Variants in SETD2 observed in about 807,000 individuals in gnomAD.
SETD2 encodes SET domain containing 2, histone lysine methyltransferase.
A neutral mutation model predicts 242.1 loss-of-function variants in SETD2; 31 were observed. That is an observed-to-expected ratio of 0.13 (90% CI 0.10 to 0.17). SETD2 has a LOEUF of 0.17. Among genes scored for constraint, SETD2 ranks in the 10% least tolerant of loss-of-function variants. SETD2 has a pLI of 1.00. For synonymous variants in SETD2, 1,006 were observed against 1,066.5 expected, an observed-to-expected ratio of 0.94 and a Z score of 1.11; for missense variants, 2,481 against 3,046.3, an observed-to-expected ratio of 0.81 and a Z score of 4.37.
At chr3:47,054,515 G>A (rs1050376399) in intron 15 of SETD2, among the ~76,000 whole-genome samples, 1 of 152,050 alleles carries the variant, frequency 6.6e-6, no homozygotes, top group African/African-American at 2.4e-5. Flanking sequence ...CTAATGGCTT[G>A]GTCCAAGAAA....
At chr3:47,092,251 A>G (rs1223338294) in intron 9 of SETD2, among the ~76,000 whole-genome samples, 5 of 152,176 alleles carry the variant, frequency 3.3e-5, no homozygotes, top group Admixed American at 3.3e-4. Context: ...AGTGGTGATA[A>G]TACAGCTTCC....
intron 7 of SETD2, 92 bp from the exon 8 acceptor site, chr3:47,101,647 GATC>G (rs1208330086): frequency 9.3e-5 from 62 of 666,190 alleles, no homozygotes; most frequent in African/African-American, 6.2e-4. Flanking sequence ...CATATATAAA[GATC>G]ATCATCATCT....
chr3:47,021,582 C>A (rs537117288), intron 18 of SETD2, among the ~76,000 whole-genome samples: 4 of 151,922 alleles, frequency 2.6e-5, no homozygotes, highest in Non-Finnish European at 4.4e-5. Context: ...CAATTGGGAT[C>A]GAGAAAGGAA....
At position 47,153,275 on chromosome 3, in the gene SETD2, TATTAACCAAAAATTATACAAGGTA is replaced by T. The variant is rs555499981; in HGVS notation, c.71+10555_71+10578del. Among the ~76,000 whole-genome samples, 753 of 152,352 alleles carry T rather than the reference TATTAACCAAAAATTATACAAGGTA, an allele frequency of 4.9e-3. 7 individuals are homozygous for T. The highest frequency in any genetic ancestry group is 0.017 in the African/African-American group (698 of 41,574). On this transcript the variant is annotated intron_variant, in intron 1 of 20. Coordinates refer to ENST00000409792, the MANE Select transcript of SETD2 (RefSeq NM_014159.7). ...ATACAACATTTTATTACACAATTTTTATTAACCAAAAATTATACAAGGTAATTAACCAAAAATTATACAAGGTAA... is the reference window on the plus strand; with the variant it reads ...ATACAACATTTTATTACACAATTTTTATTAACCAAAAATTATACAAGGTAA...
chr3:47,135,239 A>G (rs918720503), intron 1 of SETD2, among the ~76,000 whole-genome samples: 2 of 152,160 alleles, frequency 1.3e-5, no homozygotes, highest in East Asian at 3.9e-4. Context: ...CTGATTCTCT[A>G]TGAAAACACA....
In SETD2 at chr3:47,057,016, G is replaced by A. The variant is rs147243526; in HGVS notation, c.6768C>T (p.Val2256=). The change falls in exon 15 of 21, where the codon GTC becomes GTT. Residue 2256 remains valine (V), a synonymous_variant. Coordinates refer to ENST00000409792, the MANE Select transcript of SETD2 (RefSeq NM_014159.7). ...GVVHQDSSVA[V]LPVPAPGPVQ... ...CTGGGCCGGGGGCCGGCACTGGCAAGACAGCAACGCTGGAGTCTTGGTGTA... is the reference window on the plus strand; with the variant it reads ...CTGGGCCGGGGGCCGGCACTGGCAAAACAGCAACGCTGGAGTCTTGGTGTA... 8.1e-5 allele frequency: 131 copies of A among 1,614,268 alleles called. 2 individuals are homozygous for A. In the African/African-American group the frequency reaches 1.1e-3, roughly 14 times the overall value.
In SETD2 at chr3:47,123,887, A is replaced by G. The variant is rs2106714635; in HGVS notation, c.749T>C (p.Leu250Ser). 1.9e-6 allele frequency: 3 copies of G among 1,551,956 alleles called. No homozygotes were observed. Among genetic ancestry groups the G allele is most frequent in the South Asian group, 2.4e-5 (2 of 84,060 alleles). Residue 250 changes from leucine (L) to serine (S), a missense_variant, in exon 3 of 21, where the codon TTA becomes TCA. Leu to Ser is a moderately radical substitution (Grantham distance 145). This residue lies in a region of SETD2 where 334 missense variants were observed against 374.5 expected (regional missense o/e 0.89). Transcript: ENST00000409792. Reference protein sequence around the residue: ...EPPIIIVPESLEADTKQDTIS... With the variant: ...EPPIIIVPESSEADTKQDTIS... ...AGTGTCCTGCTTAGTATCTGCTTCT[A>G]AAGATTCTGGTACAATTATAATTGG...
At chr3:47,065,926 G>A (rs1217452186) in intron 13 of SETD2, among the ~76,000 whole-genome samples, 1 of 152,174 alleles carries the variant, frequency 6.6e-6, no homozygotes, top group Non-Finnish European at 1.5e-5. Context: ...TTTCAGGGGT[G>A]ACTGAGAATC....
Position 47,124,568 on chromosome 3 carries a change from G to A in SETD2, c.88-20C>T, listed in dbSNP as rs1401536132. The A allele has an allele frequency of 3.1e-5, 47 of 1,520,500 alleles. No individual in the cohort carries two copies. The highest frequency in any genetic ancestry group is 4.2e-5 in the Admixed American group (2 of 47,190). 94.2% of individuals were successfully genotyped at this position (1,520,500 alleles called of 1,614,324 possible). On this transcript the variant is annotated intron_variant, in intron 2 of 20. Transcript: ENST00000409792. ...CTTTGCCTACAAATGAACAAAATAA[G>A]CAATTACTACTACAATAAATAGTTA...
intron 15 of SETD2, among the ~76,000 whole-genome samples, chr3:47,050,732 T>C (rs1356753801): frequency 8.1e-6 from 1 of 124,022 alleles, no homozygotes; most frequent in Non-Finnish European, 1.7e-5. Flanking sequence ...TCTTTTTTTT[T>C]TTTTTTTTTT....
intron 1 of SETD2, among the ~76,000 whole-genome samples, chr3:47,143,708 C>T (rs1035588001): frequency 6.6e-6 from 1 of 152,030 alleles, no homozygotes; most frequent in Non-Finnish European, 1.5e-5. Flanking sequence ...TTACATTATA[C>T]CAGAACTTTT....
chr3:47,138,585 C>T (rs1334858857), intron 1 of SETD2, among the ~76,000 whole-genome samples: 1 of 152,090 alleles, frequency 6.6e-6, no homozygotes, highest in Non-Finnish European at 1.5e-5. Flanking sequence ...TCAAGCCTGG[C>T]TAATTTTGTA....
At chr3:47,127,143 G>C (rs1221926427) in intron 1 of SETD2, among the ~76,000 whole-genome samples, 1 of 151,952 alleles carries the variant, frequency 6.6e-6, no homozygotes, top group African/African-American at 2.4e-5. Flanking sequence ...GATGGCTTGA[G>C]CCCAGGGGAT....
At chr3:47,077,238 C>T (rs895316678) in intron 12 of SETD2, among the ~76,000 whole-genome samples, 2 of 152,120 alleles carry the variant, frequency 1.3e-5, no homozygotes, top group Admixed American at 1.3e-4. Flanking sequence ...GCACTGCCAT[C>T]GTGCCCGGCT....
intron 1 of SETD2, chr3:47,138,278 C>CTT: frequency 1.4e-5 from 4 of 277,738 alleles, no homozygotes; most frequent in South Asian, 2.9e-5. Flanking sequence ...GGCCCACTTT[C>CTT]TTTTTTTTTG....
chr3:47,030,986 G>A (rs575193496), intron 18 of SETD2, among the ~76,000 whole-genome samples: 16 of 152,160 alleles, frequency 1.1e-4, no homozygotes, highest in African/African-American at 3.6e-4. Flanking sequence ...GAATGAAGCC[G>A]ATCTGAAAAG....
In SETD2 at chr3:47,124,136, G is replaced by A. The variant is rs78682369; in HGVS notation, c.500C>T (p.Pro167Leu). Residue 167 changes from proline to leucine, a missense_variant, in exon 3 of 21, where the codon CCT becomes CTT. Around this residue, in one of 17 missense-constraint regions of SETD2, gnomAD observed 334 missense variants for 374.5 expected, o/e 0.89. Transcript: ENST00000409792. ...LATTTAVASP[P>L]THAAPLPAVI... ...TGCTGGTAATGGTGCTGCATGAGTA[G>A]GTGGAGATGCTACTGCTGTGGTAGT... 4.5e-4 allele frequency: 696 copies of A among 1,551,996 alleles called. No homozygotes were observed. The highest frequency in any genetic ancestry group is 5.8e-4 in the Non-Finnish European group (662 of 1,147,040).
chr3:47,137,953 T>C (rs779695527), intron 1 of SETD2, among the ~76,000 whole-genome samples: 6 of 151,078 alleles, frequency 4.0e-5, no homozygotes, highest in Non-Finnish European at 8.8e-5. Flanking sequence ...TGTCCCAAAG[T>C]ACTGGGATTA....
chr3:47,074,750 T>C (rs1210174195), intron 12 of SETD2, among the ~76,000 whole-genome samples: 1 of 152,218 alleles, frequency 6.6e-6, no homozygotes, highest in Non-Finnish European at 1.5e-5. Flanking sequence ...CTTATATTTA[T>C]GGACCCTCAC....
Sources: gnomAD v4.1 joint callset for allele counts (sites outside exome capture counted in the v4.1 genomes callset) on GRCh38, gnomAD v4.1.1 for gene constraint, gnomAD v4.1.1 regional missense constraint, MANE v1.5 for transcripts, NCBI Gene and HGNC (gene_info 2026-07-23, HGNC 2026-07-21) for gene names.